The following APBA2 variants were observed in gnomAD, a reference collection of about 807,000 sequenced individuals.
APBA2 encodes the protein amyloid beta precursor protein binding family A member 2.
APBA2 carries 30 observed loss-of-function variants against 75.0 expected under a neutral mutation model. The ratio of observed to expected loss-of-function variants is 0.40; its 90% CI spans 0.30 to 0.54. The LOEUF (loss-of-function observed/expected upper bound fraction) is 0.54. APBA2 is among the 20% of genes least tolerant of loss of function. APBA2 has a pLI of 0.49. For missense variants in APBA2, 801 were observed against 1,016.1 expected (o/e 0.79, Z 2.88); for synonymous variants, 444 against 409.6 (o/e 1.08, Z -1.01).
chr15:28,970,211 T>C (rs2036990182), intron 2 of APBA2: 1 of 152,162 alleles, frequency 6.6e-6, no homozygotes, highest in South Asian at 2.1e-4. Flanking sequence ...AATCCGCTGA[T>C]TGTTTTATTA....
chr15:28,911,445 TGCCTGCTG>T (rs1189936806), intron 1 of APBA2, among the ~76,000 whole-genome samples: 1 of 152,222 alleles, frequency 6.6e-6, no homozygotes, highest in Non-Finnish European at 1.5e-5. Context: ...GCAGCTGGCT[TGCCTGCTG>T]GCCTGCTTCG....
At chr15:29,117,041 G>T (rs2045224041) in intron 14 of APBA2, 21 bp from the exon 15 acceptor site, 6 of 1,612,598 alleles carry the variant, frequency 3.7e-6, no homozygotes, top group Non-Finnish European at 4.2e-6. Flanking sequence ...CAGCGGCTCA[G>T]CCTCCTGTTT....
intron 2 of APBA2, among the ~76,000 whole-genome samples, chr15:28,966,103 T>C (rs193031028): frequency 2.6e-5 from 4 of 152,270 alleles, no homozygotes; most frequent in Middle Eastern, 3.4e-3. Context: ...TAAGGCTTTT[T>C]TTTGTGACCC....
At chr15:29,070,848 C>T (rs1249766866) in intron 4 of APBA2, 2 of 326,120 alleles carry the variant, frequency 6.1e-6, no homozygotes, top group Non-Finnish European at 1.2e-5. Flanking sequence ...TAGGGATGAT[C>T]GCCTCTTTTG....
chr15:28,894,297 T>C (rs1167969088), intron 1 of APBA2, among the ~76,000 whole-genome samples: 2 of 152,204 alleles, frequency 1.3e-5, no homozygotes, highest in African/African-American at 2.4e-5. Flanking sequence ...GAGCAGCTAC[T>C]GTATTCCAGC....
chr15:29,035,492 A>G (rs2040699992), intron 3 of APBA2, among the ~76,000 whole-genome samples: 1 of 151,962 alleles, frequency 6.6e-6, no homozygotes, highest in African/African-American at 2.4e-5. Flanking sequence ...TCTCATGTTC[A>G]GTGAGGGTGG....
chr15:29,033,875 G>A (rs1005881299), intron 3 of APBA2, among the ~76,000 whole-genome samples: 1 of 145,316 alleles, frequency 6.9e-6, no homozygotes, highest in Non-Finnish European at 1.5e-5. Context: ...TGAGGCAGGA[G>A]AATGGCGTTA....
At chr15:28,939,972 A>G (rs1012896735) in intron 2 of APBA2, among the ~76,000 whole-genome samples, 4 of 152,214 alleles carry the variant, frequency 2.6e-5, no homozygotes, top group African/African-American at 9.6e-5. Flanking sequence ...TGTGCGCTCC[A>G]TCTCCGTGCT....
chr15:29,015,013 CT>C (rs34495949), intron 3 of APBA2, among the ~76,000 whole-genome samples: 11,933 of 151,600 alleles, frequency 0.079, 649 homozygotes, highest in East Asian at 0.28. Flanking sequence ...TGGATGTGGA[CT>C]TTTTTTTTGG....
At chr15:29,089,731 G>A (rs770169209) in intron 6 of APBA2, among the ~76,000 whole-genome samples, 1 of 152,208 alleles carries the variant, frequency 6.6e-6, no homozygotes, top group Non-Finnish European at 1.5e-5. Flanking sequence ...AGAACCTGGA[G>A]CGCCTTATTC....
chr15:29,025,841 C>T (rs900711484), intron 3 of APBA2, among the ~76,000 whole-genome samples: 2 of 151,796 alleles, frequency 1.3e-5, no homozygotes, highest in African/African-American at 2.4e-5. Context: ...ATCCCAGCTA[C>T]TCGGGAGGCT....
At chr15:29,061,440 G>A (rs1438345875) in intron 4 of APBA2, among the ~76,000 whole-genome samples, 1 of 152,178 alleles carries the variant, frequency 6.6e-6, no homozygotes, top group African/African-American at 2.4e-5. Flanking sequence ...AACCAAATAT[G>A]CGTTTTGATT....
At chr15:29,079,167 C>G (rs745650564) in intron 6 of APBA2, among the ~76,000 whole-genome samples, 1 of 152,026 alleles carries the variant, frequency 6.6e-6, no homozygotes, top group Non-Finnish European at 1.5e-5. Flanking sequence ...GAGATACTGG[C>G]TGCTGGGAGC....
intron 8 of APBA2, among the ~76,000 whole-genome samples, chr15:29,094,582 T>C (rs528275410): frequency 2.1e-3 from 324 of 152,358 alleles, no homozygotes; most frequent in Middle Eastern, 6.8e-3. Flanking sequence ...GATGTTCCTG[T>C]TTTACGTGGA....
chr15:28,954,067 G>T (rs967772200), intron 2 of APBA2, among the ~76,000 whole-genome samples: 1 of 151,890 alleles, frequency 6.6e-6, no homozygotes. Context: ...CCATGCTTCC[G>T]GACACCTAGA....
At chr15:28,901,209 C>G (rs187539881) in intron 1 of APBA2, among the ~76,000 whole-genome samples, 11 of 152,318 alleles carry the variant, frequency 7.2e-5, no homozygotes, top group African/African-American at 2.4e-4. Context: ...TTGGGGAGCA[C>G]AGTGGCTTCA....
At chr15:29,060,595 C>T (rs1360191125) in intron 4 of APBA2, among the ~76,000 whole-genome samples, 2 of 152,112 alleles carry the variant, frequency 1.3e-5, no homozygotes, top group Non-Finnish European at 2.9e-5. Context: ...CTGTTGTTCT[C>T]AGTGAGTGGG....
At chr15:29,076,733 C>T (rs1281757074) in intron 6 of APBA2, among the ~76,000 whole-genome samples, 2 of 152,126 alleles carry the variant, frequency 1.3e-5, no homozygotes, top group East Asian at 3.9e-4. Context: ...TGTTTCCTGC[C>T]CCTGCTAATG....
chr15:28,952,351 G>A (rs1204301963), intron 2 of APBA2, among the ~76,000 whole-genome samples: 1 of 151,962 alleles, frequency 6.6e-6, no homozygotes, highest in African/African-American at 2.4e-5. Context: ...GTAGCATAGA[G>A]TGACCTTGTC....
Sources: gnomAD v4.1 joint callset for allele counts (sites outside exome capture counted in the v4.1 genomes callset) on GRCh38, gnomAD v4.1.1 for gene constraint, MANE v1.5 for transcripts, NCBI Gene and HGNC (gene_info 2026-07-23, HGNC 2026-07-21) for gene names.